WDR72: variants seen among roughly 807,000 people sequenced by gnomAD.
WDR72 encodes WD repeat domain 72, also known as WD repeat-containing protein 72.
In WDR72, 120 loss-of-function variants were observed where a neutral mutation model predicts 124.2. That is an observed-to-expected ratio of 0.97 (90% confidence interval 0.83 to 1.12). The LOEUF is 1.12. Among genes scored for constraint, WDR72 ranks in the 50% most tolerant of loss-of-function variants. The pLI is 0.00. For synonymous variants in WDR72, 452 were observed against 441.7 expected (o/e 1.02, Z -0.29); for missense variants, 1,387 against 1,278.8 (o/e 1.08, Z -1.29).
intron 18 of WDR72, among the ~76,000 whole-genome samples, chr15:53,596,168 T>A (rs1044783044): frequency 3.9e-5 from 6 of 152,164 alleles, no homozygotes; most frequent in Non-Finnish European, 7.4e-5. Context: ...ATAAAAGAAG[T>A]ACTTAACAAT....
At position 53,715,292 on chromosome 15, in the gene WDR72, T is replaced by C. The variant is rs757781234; in HGVS notation, c.415A>G (p.Ile139Val). 4 of 1,614,124 alleles carry C rather than the reference T, an allele frequency of 2.5e-6. No homozygotes were observed. The highest frequency in any genetic ancestry group is 3.3e-5 in the Admixed American group (2 of 60,020). ...ACAACAGCCAAAGTTTTGGCATCAATTATAAGGACATCTTGATATTCTCCA... is the reference window on the plus strand; with the variant it reads ...ACAACAGCCAAAGTTTTGGCATCAACTATAAGGACATCTTGATATTCTCCA... ...CCGEYQDVLI[I>V]DAKTLAVVHS... Residue 139 changes from isoleucine (I) to valine (V), a missense_variant, in exon 5 of 20, where the codon ATT becomes GTT. Transcript: ENST00000360509.
intron 1 of WDR72, among the ~76,000 whole-genome samples, chr15:53,743,670 A>T (rs2018567460): frequency 2.0e-5 from 3 of 152,170 alleles, no homozygotes; most frequent in Admixed American, 2.0e-4. Context: ...TGATAGCTTG[A>T]TATTCCACAT....
chr15:53,532,748 T>C (rs1892552811), intron 18 of WDR72, among the ~76,000 whole-genome samples: 1 of 152,044 alleles, frequency 6.6e-6, no homozygotes, highest in East Asian at 1.9e-4. Flanking sequence ...AATAACTTAT[T>C]GTACATTTCA....
At chr15:53,613,642 T>C (rs1206109092) in intron 16 of WDR72, 24 bp downstream of exon 16, 2 of 1,528,674 alleles carry the variant, frequency 1.3e-6, no homozygotes, top group Non-Finnish European at 9.1e-7. Flanking sequence ...AATCAGATCA[T>C]ATCTGTGCCA....
chr15:53,591,320 T>C (rs1025018913), intron 18 of WDR72, among the ~76,000 whole-genome samples: 2 of 152,034 alleles, frequency 1.3e-5, no homozygotes, highest in Admixed American at 6.6e-5. Flanking sequence ...AGTCAGTGCA[T>C]AGAAGCAGAG....
At chr15:53,542,702 T>G (rs1175891891) in intron 18 of WDR72, among the ~76,000 whole-genome samples, 1 of 48,600 alleles carries the variant, frequency 2.1e-5, no homozygotes, top group Non-Finnish European at 4.1e-5. Flanking sequence ...GACTGGCAAA[T>G]TGGATAAAGA....
intron 13 of WDR72, among the ~76,000 whole-genome samples, chr15:53,675,216 G>C (rs992912119): frequency 6.6e-6 from 1 of 151,958 alleles, no homozygotes; most frequent in Non-Finnish European, 1.5e-5. Context: ...GGTGGCACAT[G>C]CCTGTAGTCC....
chr15:53,732,983 T>C lies in WDR72; in HGVS notation c.153+14A>G. ...TGAGTGGTGTCTGTTTCAATATCAG[T>C]AGCTTTCACTAACCTTTAGTTCATG... is the stretch of plus-strand genomic sequence containing the variant. On this transcript the variant is annotated intron_variant, in intron 2 of 19. Coordinates refer to ENST00000360509, the MANE Select transcript of WDR72 (RefSeq NM_182758.4). 1.9e-6 allele frequency: 3 copies of C among 1,614,012 alleles called. No individual in the cohort carries two copies. The highest frequency in any genetic ancestry group is 1.7e-6 in the Non-Finnish European group (2 of 1,179,924).
chr15:53,695,113 A>T (rs2016963334), intron 13 of WDR72, among the ~76,000 whole-genome samples: 1 of 152,242 alleles, frequency 6.6e-6, no homozygotes, highest in South Asian at 2.1e-4. Flanking sequence ...AGGTATTTTT[A>T]AAAAGTATTA....
intron 18 of WDR72, among the ~76,000 whole-genome samples, chr15:53,569,458 C>T (rs947660373): frequency 3.3e-5 from 5 of 151,956 alleles, no homozygotes; most frequent in South Asian, 4.2e-4. Context: ...TTTTGAAGCA[C>T]GTGTCTATCA....
intron 1 of WDR72, among the ~76,000 whole-genome samples, chr15:53,739,518 G>T (rs912598179): frequency 2.0e-5 from 3 of 152,208 alleles, no homozygotes; most frequent in African/African-American, 7.2e-5. Flanking sequence ...GAGTTAAATA[G>T]ATAGTAAGTT....
chr15:53,660,740 G>A (rs905992196), intron 14 of WDR72, among the ~76,000 whole-genome samples: 1 of 152,076 alleles, frequency 6.6e-6, no homozygotes, highest in Non-Finnish European at 1.5e-5. Context: ...CAACTAAGTT[G>A]GGAGCCATTA....
chr15:53,570,261 C>G (rs114689027), intron 18 of WDR72, among the ~76,000 whole-genome samples: 8,391 of 76,460 alleles, frequency 0.11, 654 homozygotes, highest in African/African-American at 0.27. Context: ...CCTCATATAC[C>G]ATTTTTTTTT....
At chr15:53,650,251 C>T (rs149157831) in intron 14 of WDR72, among the ~76,000 whole-genome samples, 1 of 152,038 alleles carries the variant, frequency 6.6e-6, no homozygotes, top group Non-Finnish European at 1.5e-5. Context: ...TTCATAGAAT[C>T]GAAGAGTGGA....
At chr15:53,760,283 T>C (rs1244180867), upstream of WDR72, among the ~76,000 whole-genome samples, 2 of 152,150 alleles carry the variant, frequency 1.3e-5, no homozygotes, top group East Asian at 3.9e-4. Flanking sequence ...CTTTCTGTTT[T>C]TTCTACCCAT....
At chr15:53,585,960 T>C (rs905416163) in intron 18 of WDR72, among the ~76,000 whole-genome samples, 4 of 152,076 alleles carry the variant, frequency 2.6e-5, no homozygotes, top group Non-Finnish European at 4.4e-5. Flanking sequence ...TCTATTCCTA[T>C]GTGAAGCCTC....
intron 18 of WDR72, among the ~76,000 whole-genome samples, chr15:53,551,231 G>A (rs1047900962): frequency 6.6e-6 from 1 of 152,096 alleles, no homozygotes; most frequent in African/African-American, 2.4e-5. Flanking sequence ...GAGGTGACTG[G>A]CAAAAATGAA....
At chr15:53,680,190 C>A (rs1016955748) in intron 13 of WDR72, among the ~76,000 whole-genome samples, 2 of 152,158 alleles carry the variant, frequency 1.3e-5, no homozygotes, top group Non-Finnish European at 2.9e-5. Flanking sequence ...CAGTTTCCTG[C>A]AATATAGTAT....
At chr15:53,684,808 C>T (rs1353443767) in intron 13 of WDR72, among the ~76,000 whole-genome samples, 1 of 151,494 alleles carries the variant, frequency 6.6e-6, no homozygotes, top group African/African-American at 2.4e-5. Context: ...CTTAAATGTC[C>T]CTGTCTGACA....
Sources: gnomAD v4.1 joint callset for allele counts (sites outside exome capture counted in the v4.1 genomes callset) on GRCh38, gnomAD v4.1.1 for gene constraint, MANE v1.5 for transcripts, NCBI Gene and HGNC (gene_info 2026-07-23, HGNC 2026-07-21) for gene names.